The following COL21A1 variants were observed in gnomAD, a reference collection of about 807,000 sequenced individuals.
COL21A1 encodes the protein collagen type XXI alpha 1 chain.
In COL21A1, 149 loss-of-function variants were observed where a neutral mutation model predicts 137.9. The ratio of observed to expected loss-of-function variants is 1.08; its 90% CI spans 0.95 to 1.24. The LOEUF (loss-of-function observed/expected upper bound fraction) is 1.24. COL21A1 is among the 50% of genes most tolerant of loss of function. COL21A1 has a pLI of 0.00. For synonymous variants in COL21A1, 456 were observed against 391.5 expected, an observed-to-expected ratio of 1.16 and a Z score of -1.95; for missense variants, 1,167 against 1,158.4, an observed-to-expected ratio of 1.01 and a Z score of -0.11.
intron 1 of COL21A1, among the ~76,000 whole-genome samples, chr6:56,321,761 C>G (rs552808219): frequency 6.6e-6 from 1 of 151,996 alleles, no homozygotes; most frequent in East Asian, 1.9e-4. Flanking sequence ...TTGACAATGA[C>G]CAACTGAGAG....
At chr6:56,198,807 G>C (rs1220284796) in intron 1 of COL21A1, among the ~76,000 whole-genome samples, 1 of 152,046 alleles carries the variant, frequency 6.6e-6, no homozygotes, top group Non-Finnish European at 1.5e-5. Flanking sequence ...AAAAGCTTTA[G>C]AATATGTATG....
rs535766989 is a variant in COL21A1 at position 56,304,475 on chromosome 6, C to T, written c.-39+89496G>A. On this transcript the variant is annotated intron_variant, in intron 1 of 28. Transcript: ENST00000370819. ...TTTAGTCTTGGGAGGGTGTATGTGT[C>T]GAGGAATTTATCCATTTCTTCTAGA... 3.2e-3 allele frequency among the ~76,000 whole-genome samples: 484 copies of T among 151,184 alleles called. 5 individuals are homozygous for T. Among genetic ancestry groups the T allele is most frequent in the African/African-American group, 0.011 (443 of 41,206 alleles).
intron 1 of COL21A1, among the ~76,000 whole-genome samples, chr6:56,285,115 G>T (rs1275257886): frequency 6.6e-6 from 1 of 152,146 alleles, no homozygotes; most frequent in African/African-American, 2.4e-5. Flanking sequence ...ATCAATAGCA[G>T]GGACTTGACC....
intron 16 of COL21A1, among the ~76,000 whole-genome samples, chr6:56,122,629 A>C (rs1772653420): frequency 1.3e-5 from 2 of 152,326 alleles, no homozygotes; most frequent in East Asian, 3.9e-4. Flanking sequence ...TGGTATTTCA[A>C]TTATATAGCA....
At chr6:56,125,411 T>C (rs2152213352) in intron 14 of COL21A1, 156 bp downstream of exon 14, 1 of 462,628 alleles carries the variant, frequency 2.2e-6, no homozygotes, top group African/African-American at 2.0e-5. Flanking sequence ...GCTCTTTTTT[T>C]CTTTTTTTTC....
intron 17 of COL21A1, among the ~76,000 whole-genome samples, chr6:56,079,998 G>A (rs2114145948): frequency 6.6e-6 from 1 of 151,752 alleles, no homozygotes; most frequent in Non-Finnish European, 1.5e-5. Flanking sequence ...CAGGGAAACT[G>A]AAATCATTCA....
chr6:56,110,750 A>G (rs993087929), intron 16 of COL21A1, among the ~76,000 whole-genome samples: 1 of 152,250 alleles, frequency 6.6e-6, no homozygotes, highest in African/African-American at 2.4e-5. Flanking sequence ...ACAATAAAAT[A>G]CTTAGATATG....
intron 12 of COL21A1, among the ~76,000 whole-genome samples, chr6:56,137,369 C>T (rs946186299): frequency 2.0e-5 from 3 of 152,120 alleles, no homozygotes; most frequent in Non-Finnish European, 4.4e-5. Flanking sequence ...TGTACAGATC[C>T]GTGGCTTCTT....
chr6:56,321,942 G>A (rs979894422), intron 1 of COL21A1, among the ~76,000 whole-genome samples: 17 of 152,054 alleles, frequency 1.1e-4, no homozygotes, highest in South Asian at 6.2e-4. Flanking sequence ...GTTTTGAAGC[G>A]TCATCTTCTC....
In COL21A1 at chr6:56,171,000, AT is replaced by A; in HGVS notation, c.768del (p.Tyr257MetfsTer3). 1 of 1,606,586 alleles carries A rather than the reference AT, an allele frequency of 6.2e-7. No homozygotes were observed. On this transcript the variant is annotated frameshift_variant, in exon 4 of 30. Coordinates refer to ENST00000244728, the MANE Select transcript of COL21A1 (RefSeq NM_030820.4). LOFTEE classifies it high-confidence loss of function. The stretch of plus-strand genomic sequence containing the variant: ...AAATCAACTTTTGATGTTACTTCAT[AT>A]CCTTTTATCTTTTTTGGTGAAAGCT... ...RIQLSPKKIK[G>X]YEVTSKVDLS... is the part of the protein sequence containing the mutation.
intron 1 of COL21A1, among the ~76,000 whole-genome samples, chr6:56,281,709 T>C (rs1392053751): frequency 6.6e-6 from 1 of 152,220 alleles, no homozygotes; most frequent in Non-Finnish European, 1.5e-5. Flanking sequence ...TTTGAGTGGT[T>C]GCCTCTAGAT....
At chr6:56,226,738 A>G (rs1781220429) in intron 1 of COL21A1, among the ~76,000 whole-genome samples, 1 of 152,062 alleles carries the variant, frequency 6.6e-6, no homozygotes, top group Non-Finnish European at 1.5e-5. Context: ...TGCAGTTTAT[A>G]TGAAAATCCA....
chr6:56,373,367 C>A (rs926805554), intron 1 of COL21A1, among the ~76,000 whole-genome samples: 1 of 152,120 alleles, frequency 6.6e-6, no homozygotes, highest in Non-Finnish European at 1.5e-5. Context: ...TTTGGGAGGC[C>A]AAGACGGGTG....
intron 1 of COL21A1, among the ~76,000 whole-genome samples, chr6:56,210,480 A>G (rs1271357408): frequency 2.0e-5 from 3 of 152,124 alleles, no homozygotes; most frequent in Non-Finnish European, 1.5e-5. Context: ...ATGTTTTTCA[A>G]CCCCTAATGA....
intron 9 of COL21A1, among the ~76,000 whole-genome samples, chr6:56,163,366 C>G (rs1309393486): frequency 6.6e-6 from 1 of 152,204 alleles, no homozygotes; most frequent in Non-Finnish European, 1.5e-5. Context: ...TTCTTAGTGT[C>G]TTACTTAGGC....
At chr6:56,129,555 T>A (rs775241559) in intron 12 of COL21A1, among the ~76,000 whole-genome samples, 1 of 152,208 alleles carries the variant, frequency 6.6e-6, no homozygotes, top group Non-Finnish European at 1.5e-5. Context: ...AGAATAACTA[T>A]GTTTCCAGTC....
At chr6:56,059,078 A>C in intron 29 of COL21A1, 87 bp downstream of exon 29, 1 of 963,960 alleles carries the variant, frequency 1.0e-6, no homozygotes, top group Non-Finnish European at 1.6e-6. Flanking sequence ...CAGATGTCTC[A>C]GTTTCAATTT....
intron 10 of COL21A1, 128 bp downstream of exon 10, chr6:56,156,759 G>C: frequency 1.3e-6 from 1 of 759,610 alleles, no homozygotes; most frequent in Admixed American, 2.3e-5. Context: ...GTTGAGTTCA[G>C]TCTCTCCTTC....
intron 16 of COL21A1, among the ~76,000 whole-genome samples, chr6:56,103,832 A>G (rs934852263): frequency 1.3e-5 from 2 of 152,174 alleles, no homozygotes; most frequent in Admixed American, 1.3e-4. Flanking sequence ...GTGGACCCCA[A>G]CCCAGAGTTC....
Sources: gnomAD v4.1 joint callset for allele counts (sites outside exome capture counted in the v4.1 genomes callset) on GRCh38, gnomAD v4.1.1 for gene constraint, MANE v1.5 for transcripts, NCBI Gene and HGNC (gene_info 2026-07-23, HGNC 2026-07-21) for gene names.